Variants in MYH13 observed in about 807,000 individuals in gnomAD.
The protein encoded by MYH13 is myosin heavy chain 13, also known as myosin-13.
Under a neutral mutation model 232.1 loss-of-function variants are expected in MYH13, and 177 were observed. That is an observed-to-expected ratio of 0.76 (90% CI 0.67 to 0.86). MYH13 has a LOEUF of 0.86. Ranked by LOEUF, MYH13 falls within the 40% of genes least tolerant of loss-of-function variation. The probability of loss-of-function intolerance (pLI) is 0.00; values close to 1 mark genes in which losing one functional copy is unlikely to be tolerated. For missense variants in MYH13, 2,246 were observed against 2,405.9 expected (o/e 0.93, Z 1.39); for synonymous variants, 884 against 923.5 (o/e 0.96, Z 0.78).
chr17:10,318,344 G>T (rs2074868), intron 27 of MYH13, among the ~76,000 whole-genome samples: 1 of 151,984 alleles, frequency 6.6e-6, no homozygotes, highest in South Asian at 2.1e-4. Flanking sequence ...GTGTTGGGGG[G>T]TGGGGCTTTT....
Position 10,350,624 on chromosome 17 carries a change from A to T in MYH13, c.1076T>A (p.Met359Lys). Residue 359 changes from methionine (M) to lysine (K), a missense_variant, in exon 12 of 41, where the codon ATG becomes AAG. Transcript: ENST00000252172. ...VGIYKLTGAVMHYGNMKFKQK... is the reference protein window; with the variant it reads ...VGIYKLTGAVKHYGNMKFKQK... Reference sequence around the variant, plus strand: ...CTTGAACTTCATGTTCCCATAATGCATCACGGCTCCCGTCAGTTTGTAGAT... The same window carrying T: ...CTTGAACTTCATGTTCCCATAATGCTTCACGGCTCCCGTCAGTTTGTAGAT... The T allele has an allele frequency of 6.2e-7, 1 of 1,613,814 alleles. No individual in the cohort carries two copies. The highest frequency in any genetic ancestry group is 8.5e-7 in the Non-Finnish European group (1 of 1,179,988).
Position 10,306,777 on chromosome 17 carries a change from C to T in MYH13, c.5296-148G>A. ...GCTGATTCCCCACAGCCTCCCCTCC[C>T]ACTTTGCCACTGCTGAGACTGTACC... is the stretch of plus-strand genomic sequence containing the variant. On this transcript the variant is annotated intron_variant, in intron 36 of 40. Coordinates refer to ENST00000252172, the MANE Select transcript of MYH13 (RefSeq NM_003802.3). This position sits in a 1 kb window ranked among gnomAD's most constrained non-coding sequence, Gnocchi z 4.3. The T allele has an allele frequency of 6.6e-7, 1 of 1,516,670 alleles. No homozygotes were observed. The highest frequency in any genetic ancestry group is 2.3e-5 in the East Asian group (1 of 43,976). 94.0% of individuals were successfully genotyped at this position (1,516,670 alleles called of 1,614,324 possible). A position where few individuals can be genotyped will look rare whatever the true frequency, so the allele number is the denominator to read the frequency against.
chr17:10,343,817 T>C lies in MYH13; in HGVS notation c.1877A>G (p.Tyr626Cys), dbSNP rs183657375. Reference sequence around the variant, plus strand: ...AATTTTACCTGTCTCTGCACCAGCATAGTTGGAAAAAAGGAAGGAGAGAAG... The same window carrying C: ...AATTTTACCTGTCTCTGCACCAGCACAGTTGGAAAAAAGGAAGGAGAGAAG... The part of the protein sequence containing the change: ...LKLLSFLFSN[Y>C]AGAETGDSGG... Residue 626 changes from tyrosine to cysteine, a missense_variant, in exon 16 of 41, where the codon TAT becomes TGT. Coordinates refer to ENST00000252172, the MANE Select transcript of MYH13 (RefSeq NM_003802.3). The C allele has an allele frequency of 3.1e-5, 49 of 1,605,162 alleles. No homozygotes were observed. In the East Asian group the frequency reaches 1.1e-3, roughly 34 times the overall value.
At chr17:10,301,018 A>G in intron 40 of MYH13, 53 bp from the exon 41 acceptor site, 1 of 1,501,148 alleles carries the variant, frequency 6.7e-7, no homozygotes, top group Non-Finnish European at 9.2e-7. Context: ...TAAATGGGAG[A>G]CTGAACATCA....
In MYH13 at chr17:10,319,143, C is replaced by G. The variant is rs766219060; in HGVS notation, c.3385G>C (p.Glu1129Gln). 9.9e-6 allele frequency: 16 copies of G among 1,613,996 alleles called. No homozygotes were observed. The South Asian group carries it at 1.5e-4, about 16-fold the overall frequency. Residue 1129 changes from glutamate to glutamine, a missense_variant, in exon 27 of 41, where the codon GAA (glutamate) becomes CAA (glutamine). Coordinates refer to ENST00000252172, the MANE Select transcript of MYH13 (RefSeq NM_003802.3). ...IEELEEEIEA[E>Q]HTLRAKIEKQ... Reference sequence around the variant, plus strand: ...TCAATCTTGGCTCTGAGCGTGTGTTCCGCTTCAATTTCCTCCTCCAGCTCT... The same window carrying G: ...TCAATCTTGGCTCTGAGCGTGTGTTGCGCTTCAATTTCCTCCTCCAGCTCT...
intron 18 of MYH13, among the ~76,000 whole-genome samples, 179 bp from the exon 19 acceptor site, chr17:10,333,370 G>A (rs1213529085): frequency 6.6e-6 from 1 of 152,178 alleles, no homozygotes; most frequent in Non-Finnish European, 1.5e-5. Context: ...TGCAGGTCCC[G>A]CAGTGAAATA....
At chr17:10,368,002 T>A (rs1339299322) in intron 2 of MYH13, among the ~76,000 whole-genome samples, 2 of 152,242 alleles carry the variant, frequency 1.3e-5, no homozygotes, top group Admixed American at 1.3e-4. Flanking sequence ...TGTTACATTA[T>A]AATCCACTAG....
intron 19 of MYH13, among the ~76,000 whole-genome samples, chr17:10,332,849 G>A (rs910183702): frequency 1.3e-5 from 2 of 152,138 alleles, no homozygotes; most frequent in Non-Finnish European, 2.9e-5. Flanking sequence ...AGACATCCTG[G>A]TCTAGAGTCA....
chr17:10,315,404 G>T (rs549862237), intron 29 of MYH13, among the ~76,000 whole-genome samples: 2 of 152,304 alleles, frequency 1.3e-5, no homozygotes, highest in East Asian at 3.9e-4. Flanking sequence ...GGAATTGTCT[G>T]CCTCAGCCTC....
At chr17:10,312,941 A>G (rs1906563446) in intron 30 of MYH13, among the ~76,000 whole-genome samples, 184 bp from the exon 31 acceptor site, 1 of 151,392 alleles carries the variant, frequency 6.6e-6, no homozygotes, top group Non-Finnish European at 1.5e-5. Flanking sequence ...CTTGGTGGCA[A>G]AGCAGGTCCC....
rs1182419480 is a variant in MYH13, at chr17:10,362,437, T to C, written c.271A>G (p.Met91Val). The C allele has an allele frequency of 1.2e-6, 2 of 1,614,134 alleles. No individual in the cohort carries two copies. The highest frequency in any genetic ancestry group is 4.5e-5 in the East Asian group (2 of 44,878). Residue 91 changes from methionine (M) to valine (V), a missense_variant, in exon 4 of 41, where the codon ATG (methionine) becomes GTG (valine). Met to Val is a conservative substitution (Grantham distance 21). Transcript: ENST00000252172. ...NPPKFDKIED[M>V]AMMTHLHEPA... is the part of the protein sequence containing the mutation. ...TCATGCAGGTGAGTCATCATGGCCA[T>C]GTCCTCGATCTTGTCAAATTTGGGA...
At chr17:10,327,788 G>GA in intron 22 of MYH13, 78 bp downstream of exon 22, 7 of 1,556,774 alleles carry the variant, frequency 4.5e-6, no homozygotes, top group Non-Finnish European at 6.1e-6. Flanking sequence ...ATAGACACCT[G>GA]ATGGCGCCCT....
At chr17:10,365,384 G>T (rs1240418008) in intron 2 of MYH13, among the ~76,000 whole-genome samples, 1 of 152,194 alleles carries the variant, frequency 6.6e-6, no homozygotes, top group Admixed American at 6.5e-5. Flanking sequence ...ATGGCCCAGG[G>T]CAATGGTCCC....
At chr17:10,316,126 TA>T in intron 27 of MYH13, 101 bp from the exon 28 acceptor site, 3 of 1,405,808 alleles carry the variant, frequency 2.1e-6, no homozygotes, top group Non-Finnish European at 2.9e-6. Context: ...TCAGGTAAAA[TA>T]AAAATAAAAG....
Position 10,306,988 on chromosome 17 carries a change from A to G in MYH13, c.5246T>C (p.Ile1749Thr), listed in dbSNP as rs761931528. 20 of 1,613,906 alleles carry G rather than the reference A, an allele frequency of 1.2e-5. No individual in the cohort carries two copies. In the Admixed American group the frequency reaches 1.3e-4, roughly 11 times the overall value. ...AQCQAEVENSIQESRNAEEKA... is the reference protein window; with the variant it reads ...AQCQAEVENSTQESRNAEEKA... ...CTCCTCTGCGTTCCTGGACTCCTGG[A>G]TCGAGTTCTCCACCTCTGCCTGGCA... The change falls in exon 36 of 41, where the codon ATC becomes ACC. Residue 1749 changes from isoleucine to threonine, a missense_variant. Ile to Thr is a moderately conservative substitution (Grantham distance 89). Transcript: ENST00000252172. This position sits in a 1 kb window ranked among gnomAD's most constrained non-coding sequence, Gnocchi z 4.3.
chr17:10,345,572 C>G lies in MYH13; in HGVS notation c.1308G>C (p.Lys436Asn), dbSNP rs765737054. Residue 436 changes from lysine to asparagine, a missense_variant, in exon 14 of 41, where the codon AAG becomes AAC. Transcript: ENST00000252172. ...TGCGGGTGACCATCCACAGGAACAT[C>G]TTCTCGTAGACGGCTTTGGCCAGAG... ...VGALAKAVYE[K>N]MFLWMVTRIN... 6.2e-7 allele frequency: 1 copy of G among 1,614,184 alleles called. No individual in the cohort carries two copies. The highest frequency in any genetic ancestry group is 1.1e-5 in the South Asian group (1 of 91,078).
chr17:10,370,836 C>T (rs1308513824), intron 2 of MYH13, among the ~76,000 whole-genome samples: 5 of 152,188 alleles, frequency 3.3e-5, no homozygotes, highest in Non-Finnish European at 5.9e-5. Context: ...AGGGAAGGTG[C>T]AGCTGTGTGG....
chr17:10,303,424 G>T lies in MYH13; in HGVS notation c.5541C>A (p.Tyr1847Ter), dbSNP rs369185144. ...GAEALKGAHK[Y>*]ERKVKEMTYQ... ...AAGTCATCTCCTTGACTTTGCGTTC[G>T]TACTTGTGGGCTCCCTTCAGGGCTT... Residue 1847 changes from tyrosine to a stop codon, truncating the protein, a stop_gained, in exon 38 of 41, where the codon TAC becomes TAA. Coordinates refer to ENST00000252172, the MANE Select transcript of MYH13 (RefSeq NM_003802.3). LOFTEE classifies it high-confidence loss of function. 3 of 1,613,940 alleles carry T rather than the reference G, an allele frequency of 1.9e-6. No homozygotes were observed. The highest frequency in any genetic ancestry group is 2.5e-6 in the Non-Finnish European group (3 of 1,179,876).
rs779408245 is a variant in MYH13, at chr17:10,340,344, AC to A, written c.1951del (p.Val651CysfsTer9). 5 of 1,613,966 alleles carry A rather than the reference AC, an allele frequency of 3.1e-6. No homozygotes were observed. The South Asian group carries it at 5.5e-5, about 18-fold the overall frequency. Reference sequence around the variant, plus strand: ...AACACCAACCCTGAACACGGCCGACACGGTCTGGAAAGAGGAGCCCTTCTTC... The same window carrying A: ...AACACCAACCCTGAACACGGCCGACAGGTCTGGAAAGAGGAGCCCTTCTTC... The part of the protein sequence containing the change: ...GKKKGSSFQT[V>X]SAVFRENLNK... On this transcript the variant is annotated frameshift_variant, in exon 17 of 41. Coordinates refer to ENST00000252172, the MANE Select transcript of MYH13 (RefSeq NM_003802.3). LOFTEE classifies it high-confidence loss of function.
Sources: gnomAD v4.1 joint callset for allele counts (sites outside exome capture counted in the v4.1 genomes callset) on GRCh38, gnomAD v4.1.1 for gene constraint, Gnocchi (gnomAD v3.1) non-coding constraint, MANE v1.5 for transcripts, NCBI Gene and HGNC (gene_info 2026-07-23, HGNC 2026-07-21) for gene names.